The following LRP1B variants were observed in gnomAD, a reference collection of about 807,000 sequenced individuals.
LRP1B encodes the protein low-density lipoprotein receptor-related protein 1B.
In LRP1B, 217 loss-of-function variants were observed where a neutral mutation model predicts 556.6. The ratio of observed to expected loss-of-function variants is 0.39; its 90% confidence interval spans 0.35 to 0.44. The LOEUF is 0.44. Among genes scored for constraint, LRP1B ranks in the 20% least tolerant of loss-of-function variants. LRP1B has a pLI of 1.00. For missense variants in LRP1B, 5,053 were observed against 5,620.8 expected (o/e 0.90, Z 3.23); for synonymous variants, 2,047 against 1,865.8 (o/e 1.10, Z -2.50).
intron 29 of LRP1B, among the ~76,000 whole-genome samples, chr2:140,847,737 A>G (rs1262538348): frequency 6.7e-6 from 1 of 150,274 alleles, no homozygotes; most frequent in African/African-American, 2.5e-5. Context: ...ACTGCACTCC[A>G]GCCTGGGACA....
chr2:140,525,919 G>T lies in LRP1B; in HGVS notation c.7951C>A (p.Leu2651Met), dbSNP rs1332939835. 1 of 1,612,304 alleles carries T rather than the reference G, an allele frequency of 6.2e-7. No individual in the cohort carries two copies. Among genetic ancestry groups the T allele is most frequent in the Non-Finnish European group, 8.5e-7 (1 of 1,178,930 alleles). Residue 2651 changes from leucine (L) to methionine (M), a missense_variant, in exon 49 of 91, where the codon CTG (leucine) becomes ATG (methionine). This residue lies in a region of LRP1B where 3,619 missense variants were observed against 3,931.9 expected (regional missense o/e 0.92). Coordinates refer to ENST00000389484, the MANE Select transcript of LRP1B (RefSeq NM_018557.3). ...CATATCCAGGTTGGCAGAACACACAGTGAGGTAGAATTACATCTTATGAAC... is the reference window on the plus strand; with the variant it reads ...CATATCCAGGTTGGCAGAACACACATTGAGGTAGAATTACATCTTATGAAC... ...TGFIRCNSTS[L>M]CVLPTWICDG...
chr2:141,938,312 C>G (rs1439715525), intron 1 of LRP1B, among the ~76,000 whole-genome samples: 1 of 151,996 alleles, frequency 6.6e-6, no homozygotes, highest in African/African-American at 2.4e-5. Context: ...TCAACATCTT[C>G]CAAAGAAGAA....
At chr2:140,745,532 C>T (rs892899236) in intron 35 of LRP1B, among the ~76,000 whole-genome samples, 1 of 152,100 alleles carries the variant, frequency 6.6e-6, no homozygotes, top group African/African-American at 2.4e-5. Flanking sequence ...AAACAAGTTG[C>T]AAGATGAGTA....
intron 2 of LRP1B, among the ~76,000 whole-genome samples, chr2:141,704,573 G>A (rs938757346): frequency 2.0e-5 from 3 of 151,808 alleles, no homozygotes; most frequent in African/African-American, 4.8e-5. Context: ...GCAGCCCCAC[G>A]TCTTCTTCCC....
At chr2:140,454,591 G>A (rs748464268) in intron 62 of LRP1B, among the ~76,000 whole-genome samples, 8 of 152,050 alleles carry the variant, frequency 5.3e-5, no homozygotes, top group African/African-American at 1.4e-4. Context: ...CTAAAAATTC[G>A]TGATAGACTA....
intron 25 of LRP1B, among the ~76,000 whole-genome samples, chr2:140,873,107 G>A (rs1693191459): frequency 6.6e-6 from 1 of 151,986 alleles, no homozygotes; most frequent in African/African-American, 2.4e-5. Flanking sequence ...TTTTGGTAAA[G>A]TAGTTAAGAC....
intron 84 of LRP1B, among the ~76,000 whole-genome samples, chr2:140,276,095 TTTAA>T (rs1682659838): frequency 6.6e-6 from 1 of 151,998 alleles, no homozygotes; most frequent in Non-Finnish European, 1.5e-5. Context: ...CTTTTACCTA[TTTAA>T]TTGTGAAGCA....
intron 35 of LRP1B, among the ~76,000 whole-genome samples, chr2:140,742,749 A>G (rs1340639909): frequency 6.6e-6 from 1 of 152,092 alleles, no homozygotes; most frequent in Admixed American, 6.6e-5. Context: ...TGCCACTGGC[A>G]GTATTAGAGT....
At chr2:141,497,826 A>G (rs1193200026) in intron 2 of LRP1B, among the ~76,000 whole-genome samples, 1 of 152,060 alleles carries the variant, frequency 6.6e-6, no homozygotes, top group African/African-American at 2.4e-5. Context: ...TTATTTTATC[A>G]TAAAGACATT....
intron 27 of LRP1B, among the ~76,000 whole-genome samples, chr2:140,852,761 T>G (rs1203241803): frequency 1.3e-5 from 2 of 152,158 alleles, no homozygotes; most frequent in African/African-American, 4.8e-5. Context: ...AATATTAAAT[T>G]TTGCAGCTCA....
chr2:141,845,108 T>C (rs927624466), intron 1 of LRP1B, among the ~76,000 whole-genome samples: 4 of 147,780 alleles, frequency 2.7e-5, no homozygotes, highest in African/African-American at 1.0e-4. Flanking sequence ...TTCAGTACTG[T>C]TATGGTCTTC....
chr2:140,606,844 G>A (rs767241187), intron 41 of LRP1B, among the ~76,000 whole-genome samples: 3 of 151,910 alleles, frequency 2.0e-5, no homozygotes, highest in Admixed American at 6.6e-5. Flanking sequence ...GGTAGATGAT[G>A]AAACTCTTAG....
At chr2:141,613,762 G>A (rs542358096) in intron 2 of LRP1B, among the ~76,000 whole-genome samples, 3 of 152,132 alleles carry the variant, frequency 2.0e-5, no homozygotes, top group East Asian at 1.9e-4. Context: ...AGAATACTAC[G>A]GTCAAATTCC....
intron 2 of LRP1B, among the ~76,000 whole-genome samples, chr2:141,785,967 A>G (rs545478491): frequency 1.3e-5 from 2 of 151,968 alleles, no homozygotes; most frequent in South Asian, 4.1e-4. Context: ...ATTCACTAAT[A>G]TTTGCAAATT....
At chr2:141,763,967 A>G (rs1694647887) in intron 2 of LRP1B, among the ~76,000 whole-genome samples, 1 of 152,140 alleles carries the variant, frequency 6.6e-6, no homozygotes, top group Non-Finnish European at 1.5e-5. Flanking sequence ...GCTAATTCAC[A>G]CTTTTTCAGA....
At chr2:140,579,855 A>G (rs1450805579) in intron 43 of LRP1B, among the ~76,000 whole-genome samples, 3 of 152,184 alleles carry the variant, frequency 2.0e-5, no homozygotes, top group Admixed American at 6.5e-5. Flanking sequence ...AAATAATAAT[A>G]AAATAAAATA....
chr2:140,990,806 A>C (rs1477347410), intron 16 of LRP1B, among the ~76,000 whole-genome samples: 1 of 152,144 alleles, frequency 6.6e-6, no homozygotes, highest in African/African-American at 2.4e-5. Context: ...CACAATTTCA[A>C]CGCTGTTTTT....
intron 66 of LRP1B, among the ~76,000 whole-genome samples, chr2:140,409,966 T>C (rs1684902475): frequency 6.6e-6 from 1 of 152,090 alleles, no homozygotes; most frequent in African/African-American, 2.4e-5. Flanking sequence ...TGTCAAGAGT[T>C]GTGCCAGAGG....
chr2:140,823,487 G>A (rs1691397238), intron 31 of LRP1B, among the ~76,000 whole-genome samples: 1 of 152,022 alleles, frequency 6.6e-6, no homozygotes, highest in Non-Finnish European at 1.5e-5. Flanking sequence ...GATCATGTAT[G>A]CCAGCAACAA....
Sources: gnomAD v4.1 joint callset for allele counts (sites outside exome capture counted in the v4.1 genomes callset) on GRCh38, gnomAD v4.1.1 for gene constraint, gnomAD v4.1.1 regional missense constraint, MANE v1.5 for transcripts, NCBI Gene and HGNC (gene_info 2026-07-23, HGNC 2026-07-21) for gene names.